TNFRSF11A: variants seen among roughly 807,000 people sequenced by gnomAD.
TNFRSF11A encodes tumor necrosis factor receptor superfamily member 11A.
TNFRSF11A carries 32 observed loss-of-function variants against 55.7 expected under a neutral mutation model. The observed-to-expected ratio is 0.57, with a 90% CI of 0.43 to 0.77. The LOEUF (loss-of-function observed/expected upper bound fraction) is 0.77. TNFRSF11A is among the 30% of genes least tolerant of loss of function. The pLI is 0.00. For synonymous variants in TNFRSF11A, 311 were observed against 331.0 expected, an observed-to-expected ratio of 0.94 and a Z score of 0.65; for missense variants, 753 against 809.8, an observed-to-expected ratio of 0.93 and a Z score of 0.85.
At chr18:62,346,898 TG>T (rs2046391667) in intron 1 of TNFRSF11A, among the ~76,000 whole-genome samples, 1 of 152,244 alleles carries the variant, frequency 6.6e-6, no homozygotes, top group African/African-American at 2.4e-5. Context: ...CCAGCTGGAC[TG>T]AAGGTCTCTT....
At chr18:62,358,890 C>A (rs1260410231) in intron 5 of TNFRSF11A, among the ~76,000 whole-genome samples, 1 of 151,994 alleles carries the variant, frequency 6.6e-6, no homozygotes, top group Non-Finnish European at 1.5e-5. Flanking sequence ...GTAATAAGTT[C>A]TTTATTGATA....
At chr18:62,384,466 C>T (rs1465902832) in intron 9 of TNFRSF11A, among the ~76,000 whole-genome samples, 2 of 147,396 alleles carry the variant, frequency 1.4e-5, no homozygotes, top group East Asian at 4.1e-4. Flanking sequence ...CTTCCTAGCC[C>T]TCTCCTCCCC....
chr18:62,374,745 C>T (rs987327701), intron 9 of TNFRSF11A, among the ~76,000 whole-genome samples: 1 of 152,154 alleles, frequency 6.6e-6, no homozygotes, highest in African/African-American at 2.4e-5. Context: ...CTATGTCAAG[C>T]ATGGACAAAG....
chr18:62,383,655 C>T lies in TNFRSF11A; in HGVS notation c.1568-1096C>T, dbSNP rs1911450757. 6.6e-6 allele frequency among the ~76,000 whole-genome samples: 1 copy of T among 152,056 alleles called. No homozygotes were observed. The highest frequency in any genetic ancestry group is 6.5e-5 in the Admixed American group (1 of 15,268). On this transcript the variant is annotated intron_variant, in intron 9 of 9. Transcript: ENST00000586569. This position sits in a 1 kb window ranked among gnomAD's most constrained non-coding sequence, Gnocchi z 4.2. ...AAAATGGAAGAATCGTAAGAGCTAG[C>T]AGGTTGCCTAACATTTGTTGGACTT...
chr18:62,376,975 C>T (rs912565562), intron 9 of TNFRSF11A, among the ~76,000 whole-genome samples: 8 of 152,092 alleles, frequency 5.3e-5, no homozygotes, highest in African/African-American at 7.2e-5. Context: ...AGTGCAGTGG[C>T]GTGATCTTGG....
At chr18:62,339,250 C>A (rs2046277847) in intron 1 of TNFRSF11A, among the ~76,000 whole-genome samples, 1 of 152,204 alleles carries the variant, frequency 6.6e-6, no homozygotes, top group South Asian at 2.1e-4. Flanking sequence ...GCCCAGCCCC[C>A]CAGGCTCTCC....
At chr18:62,381,757 A>T (rs908724192) in intron 9 of TNFRSF11A, among the ~76,000 whole-genome samples, 2 of 152,224 alleles carry the variant, frequency 1.3e-5, no homozygotes, top group Non-Finnish European at 2.9e-5. Flanking sequence ...TTATTAAATA[A>T]ACATGGTATG....
At chr18:62,375,085 G>GT (rs1280672002) in intron 9 of TNFRSF11A, among the ~76,000 whole-genome samples, 1,417 of 57,854 alleles carry the variant, frequency 0.024, 11 homozygotes, top group African/African-American at 0.054. Context: ...TTGTGTGTGT[G>GT]TTTTTTTTTT....
intron 1 of TNFRSF11A, among the ~76,000 whole-genome samples, chr18:62,334,763 A>T (rs2046205137): frequency 6.6e-6 from 1 of 152,162 alleles, no homozygotes; most frequent in African/African-American, 2.4e-5. Flanking sequence ...GAAAAGTTCA[A>T]ATAAGAAAGA....
chr18:62,351,346 A>T (rs1281557523), intron 3 of TNFRSF11A, among the ~76,000 whole-genome samples: 1 of 152,174 alleles, frequency 6.6e-6, no homozygotes, highest in Non-Finnish European at 1.5e-5. Flanking sequence ...TTTCTTATAA[A>T]TTGGTTGTTA....
At chr18:62,350,049 G>C in intron 3 of TNFRSF11A, 112 bp downstream of exon 3, 1 of 1,474,074 alleles carries the variant, frequency 6.8e-7, no homozygotes, top group Non-Finnish European at 9.3e-7. Flanking sequence ...GAACATGAAA[G>C]GAAGTTGTGA....
intron 9 of TNFRSF11A, among the ~76,000 whole-genome samples, chr18:62,376,786 A>T (rs909323498): frequency 1.3e-5 from 2 of 152,152 alleles, no homozygotes; most frequent in African/African-American, 4.8e-5. Context: ...TACTGTCTCC[A>T]TAGTTTTTCC....
chr18:62,333,097 C>T (rs1045356469), intron 1 of TNFRSF11A, among the ~76,000 whole-genome samples: 1 of 152,088 alleles, frequency 6.6e-6, no homozygotes, highest in South Asian at 2.1e-4. Flanking sequence ...AATCATGTCC[C>T]GCCCTGATGT....
rs1911654110 is a variant in TNFRSF11A, at chr18:62,385,412, C to T, written c.*378C>T. The stretch of plus-strand genomic sequence containing the variant: ...ATAACTTTTCTTGATATCTTTCCTC[C>T]CTCTTTTTTAATGTAAAGGTTTTCT... On this transcript the variant is annotated 3_prime_UTR_variant, in exon 10 of 10. Coordinates refer to ENST00000586569, the MANE Select transcript of TNFRSF11A (RefSeq NM_003839.4). 5.3e-6 allele frequency: 1 copy of T among 186,956 alleles called. No homozygotes were observed. Among genetic ancestry groups the T allele is most frequent in the African/African-American group, 2.3e-5 (1 of 42,762 alleles). 11.6% of individuals were successfully genotyped at this position (186,956 alleles called of 1,614,324 possible). A position where few individuals can be genotyped will look rare whatever the true frequency, so the allele number is the denominator to read the frequency against.
At chr18:62,367,719 C>T (rs1910189872) in intron 8 of TNFRSF11A, among the ~76,000 whole-genome samples, 1 of 151,350 alleles carries the variant, frequency 6.6e-6, no homozygotes, top group African/African-American at 2.4e-5. Flanking sequence ...ATTCAACCCA[C>T]ATTTGATATT....
Position 62,389,239 on chromosome 18 carries a change from C to A in TNFRSF11A, c.*4205C>A, listed in dbSNP as rs1173162442. On this transcript the variant is annotated 3_prime_UTR_variant, in exon 10 of 10. Coordinates refer to ENST00000586569, the MANE Select transcript of TNFRSF11A (RefSeq NM_003839.4). ...CTGCTCCAAGCGCCAGAGGAGGCTTCTGGGAAGGGGCTGTCTGTGGAATTT... is the reference window on the plus strand; with the variant it reads ...CTGCTCCAAGCGCCAGAGGAGGCTTATGGGAAGGGGCTGTCTGTGGAATTT... 1 of 152,272 alleles carries A rather than the reference C, an allele frequency of 6.6e-6. No homozygotes were observed. Among genetic ancestry groups the A allele is most frequent in the Non-Finnish European group, 1.5e-5 (1 of 68,112 alleles). The allele number at this position is 152,272 out of a possible 1,614,324, so 9.4% of individuals were successfully genotyped here.
intron 1 of TNFRSF11A, among the ~76,000 whole-genome samples, chr18:62,332,401 T>C (rs9961156): frequency 0.042 from 6,340 of 152,284 alleles, 441 homozygotes; most frequent in African/African-American, 0.14. Flanking sequence ...CATAGTCAGA[T>C]ATACAAGCAG....
intron 1 of TNFRSF11A, among the ~76,000 whole-genome samples, chr18:62,342,155 C>T (rs1393126328): frequency 1.3e-5 from 2 of 151,866 alleles, no homozygotes; most frequent in Non-Finnish European, 2.9e-5. Context: ...AATCCCAGCA[C>T]TTTGGGAGGC....
chr18:62,349,212 T>C (rs1395883045), intron 2 of TNFRSF11A, among the ~76,000 whole-genome samples: 1 of 151,582 alleles, frequency 6.6e-6, no homozygotes, highest in Non-Finnish European at 1.5e-5. Context: ...GGTCTTGCTC[T>C]GTTGCCCAGG....
Sources: gnomAD v4.1 joint callset for allele counts (sites outside exome capture counted in the v4.1 genomes callset) on GRCh38, gnomAD v4.1.1 for gene constraint, Gnocchi (gnomAD v3.1) non-coding constraint, MANE v1.5 for transcripts, NCBI Gene and HGNC (gene_info 2026-07-23, HGNC 2026-07-21) for gene names.